ANAPC1: variants seen among roughly 807,000 people sequenced by gnomAD.
ANAPC1 encodes anaphase promoting complex subunit 1, also known as anaphase-promoting complex subunit 1.
A neutral mutation model predicts 208.0 loss-of-function variants in ANAPC1; 36 were observed. That is an observed-to-expected ratio of 0.17 (90% CI 0.13 to 0.23). The LOEUF (loss-of-function observed/expected upper bound fraction) is 0.23. Among genes scored for constraint, ANAPC1 ranks in the 10% least tolerant of loss-of-function variants. The pLI is 1.00. For missense variants in ANAPC1, 942 were observed against 2,011.6 expected (o/e 0.47, Z 10.17); for synonymous variants, 378 against 695.2 (o/e 0.54, Z 7.18).
chr2:111,836,849 T>G (rs954583760), intron 18 of ANAPC1, among the ~76,000 whole-genome samples: 6 of 151,834 alleles, frequency 4.0e-5, no homozygotes, highest in African/African-American at 1.5e-4. Context: ...ACACCTGTAA[T>G]TCTAGCTACT....
At chr2:111,867,473 C>A (rs1682493646) in intron 7 of ANAPC1, among the ~76,000 whole-genome samples, 1 of 151,890 alleles carries the variant, frequency 6.6e-6, no homozygotes, top group South Asian at 2.1e-4. Context: ...GGTGGATCAC[C>A]TGAAGTCAGG....
chr2:111,856,217 AGAGC>A (rs1351596012), intron 13 of ANAPC1, among the ~76,000 whole-genome samples: 1 of 152,242 alleles, frequency 6.6e-6, no homozygotes, highest in Admixed American at 6.5e-5. Flanking sequence ...CCTGGGCAAC[AGAGC>A]GAGACTCCGT....
intron 25 of ANAPC1, among the ~76,000 whole-genome samples, chr2:111,821,945 A>G (rs917347723): frequency 6.6e-6 from 1 of 152,098 alleles, no homozygotes. Flanking sequence ...CTGGGGCTGC[A>G]GTTTTATGTG....
intron 1 of ANAPC1, among the ~76,000 whole-genome samples, chr2:111,882,311 G>A (rs961463470): frequency 2.6e-5 from 4 of 152,170 alleles, no homozygotes; most frequent in African/African-American, 7.2e-5. Flanking sequence ...TGCAATCCCC[G>A]TTGTTTCCGT....
chr2:111,787,709 G>T (rs1677639987), intron 39 of ANAPC1, among the ~76,000 whole-genome samples: 1 of 151,586 alleles, frequency 6.6e-6, no homozygotes, highest in South Asian at 2.1e-4. Flanking sequence ...GCTTCTACAT[G>T]GTTTGAAGTT....
intron 34 of ANAPC1, among the ~76,000 whole-genome samples, chr2:111,799,212 ACAGT>A (rs1453180620): frequency 1.3e-5 from 2 of 152,230 alleles, no homozygotes; most frequent in African/African-American, 4.8e-5. Flanking sequence ...CTCAACATTA[ACAGT>A]CAGCAGAGAA....
chr2:111,856,397 G>A (rs1681723976), intron 13 of ANAPC1: 2 of 536,356 alleles, frequency 3.7e-6, no homozygotes, highest in African/African-American at 1.9e-5. Flanking sequence ...GACAGGTTTA[G>A]AGTACCAATG....
intron 46 of ANAPC1, among the ~76,000 whole-genome samples, chr2:111,774,041 G>C (rs1373250570): frequency 2.5e-4 from 38 of 151,824 alleles, no homozygotes; most frequent in Non-Finnish European, 4.9e-4. Flanking sequence ...CAGTGGTCCA[G>C]GCACAAAATC....
In ANAPC1 at chr2:111,834,770, C is replaced by A. The variant is rs199794368; in HGVS notation, c.2218G>T (p.Asp740Tyr). Residue 740 changes from aspartate (D) to tyrosine (Y), a missense_variant, in exon 19 of 48, where the codon GAT becomes TAT. By Grantham distance (160) the Asp-to-Tyr change is radical (BLOSUM62 -3). Transcript: ENST00000341068. ...LSPSEASQMKDEDFSQNLSLD... is the reference protein window; with the variant it reads ...LSPSEASQMKYEDFSQNLSLD... ...CTGAGATTCTGTGAAAAATCCTCATCCTTCATCTGTGAAGCTTCTGAAGGA... is the reference window on the plus strand; with the variant it reads ...CTGAGATTCTGTGAAAAATCCTCATACTTCATCTGTGAAGCTTCTGAAGGA... The A allele has an allele frequency of 8.6e-5, 138 of 1,613,086 alleles. No homozygotes were observed. Among genetic ancestry groups the A allele is most frequent in the Non-Finnish European group, 1.2e-4 (137 of 1,179,680 alleles).
At chr2:111,807,654 T>TTG (rs1573365962) in intron 29 of ANAPC1, among the ~76,000 whole-genome samples, 2 of 151,980 alleles carry the variant, frequency 1.3e-5, no homozygotes, top group East Asian at 1.9e-4. Flanking sequence ...ATTGCACCAC[T>TTG]GTACTCCAGG....
intron 21 of ANAPC1, among the ~76,000 whole-genome samples, chr2:111,827,179 T>C (rs533035008): frequency 6.6e-6 from 1 of 152,290 alleles, no homozygotes; most frequent in South Asian, 2.1e-4. Context: ...TCTCTCACTA[T>C]CTAAGAAGTA....
rs1677428172 is a variant in ANAPC1 at position 111,784,094 on chromosome 2, T to C, written c.4996-130A>G. 2.9e-5 allele frequency: 26 copies of C among 911,738 alleles called. No individual in the cohort carries two copies. The South Asian group carries it at 3.8e-4, about 13-fold the overall frequency. The allele number at this position is 911,738 out of a possible 1,614,324, so 56.5% of individuals were successfully genotyped here. A position where few individuals can be genotyped will look rare whatever the true frequency, so the allele number is the denominator to read the frequency against. ...GGCATCTGGAAGTTAACAAGCTCCA[T>C]TTCCAGACAAAAAATGAATGTAAAT... is the stretch of plus-strand genomic sequence containing the variant. On this transcript the variant is annotated intron_variant, in intron 41 of 47. Coordinates refer to ENST00000341068, the MANE Select transcript of ANAPC1 (RefSeq NM_022662.4).
intron 2 of ANAPC1, among the ~76,000 whole-genome samples, 178 bp from the exon 3 acceptor site, chr2:111,879,149 A>C (rs1473841145): frequency 6.6e-6 from 1 of 152,232 alleles, no homozygotes; most frequent in African/African-American, 2.4e-5. Flanking sequence ...AATTACATGA[A>C]GAATTTACTC....
intron 45 of ANAPC1, among the ~76,000 whole-genome samples, chr2:111,777,959 A>C (rs1677075748): frequency 1.3e-5 from 2 of 152,306 alleles, no homozygotes. Context: ...ATTCTGATTC[A>C]ATAGATGAGG....
chr2:111,829,620 G>C (rs1680023857), intron 21 of ANAPC1, among the ~76,000 whole-genome samples: 1 of 152,098 alleles, frequency 6.6e-6, no homozygotes. Flanking sequence ...TCTTGGACAT[G>C]TATTAACCAG....
At chr2:111,851,999 A>C (rs940829670) in intron 13 of ANAPC1, among the ~76,000 whole-genome samples, 1 of 152,132 alleles carries the variant, frequency 6.6e-6, no homozygotes, top group African/African-American at 2.4e-5. Context: ...ACTACTCAAA[A>C]GCTAACAAAA....
intron 46 of ANAPC1, among the ~76,000 whole-genome samples, chr2:111,773,784 G>T (rs1173239564): frequency 6.6e-6 from 1 of 152,136 alleles, no homozygotes; most frequent in Non-Finnish European, 1.5e-5. Flanking sequence ...AGTGGAAGGG[G>T]CCAGGGTGGT....
chr2:111,878,993 A>C (rs1305289321), intron 2 of ANAPC1, 22 bp from the exon 3 acceptor site: 4 of 1,597,082 alleles, frequency 2.5e-6, no homozygotes, highest in Non-Finnish European at 3.4e-6. Context: ...ACACATGTAA[A>C]ACATATTCAA....
At chr2:111,801,338 CAG>C (rs1678433603) in intron 33 of ANAPC1, among the ~76,000 whole-genome samples, 1 of 145,262 alleles carries the variant, frequency 6.9e-6, no homozygotes, top group South Asian at 2.2e-4. Context: ...GCCTGGGCCA[CAG>C]AGTGAGACTC....
Sources: gnomAD v4.1 joint callset for allele counts (sites outside exome capture counted in the v4.1 genomes callset) on GRCh38, gnomAD v4.1.1 for gene constraint, MANE v1.5 for transcripts, NCBI Gene and HGNC (gene_info 2026-07-23, HGNC 2026-07-21) for gene names.